MYLK: variants seen among roughly 807,000 people sequenced by gnomAD.
MYLK encodes myosin light chain kinase.
In MYLK, 106 loss-of-function variants were observed where a neutral mutation model predicts 203.4. That is an observed-to-expected ratio of 0.52 (90% CI 0.45 to 0.61). The LOEUF (loss-of-function observed/expected upper bound fraction) is 0.61. Ranked by LOEUF, MYLK falls within the 20% of genes least tolerant of loss-of-function variation. The probability of loss-of-function intolerance (pLI) is 0.00; values close to 1 mark genes in which losing one functional copy is unlikely to be tolerated. For synonymous variants in MYLK, 867 were observed against 959.5 expected (o/e 0.90, Z 1.78); for missense variants, 2,072 against 2,442.3 (o/e 0.85, Z 3.20).
intron 19 of MYLK, among the ~76,000 whole-genome samples, chr3:123,686,623 C>T (rs1176835363): frequency 1.3e-5 from 2 of 152,172 alleles, no homozygotes; most frequent in African/African-American, 4.8e-5. Flanking sequence ...CGCTTTCTGG[C>T]TCTGCTGCTT....
At chr3:123,767,963 C>A (rs2063759679) in intron 4 of MYLK, among the ~76,000 whole-genome samples, 1 of 152,198 alleles carries the variant, frequency 6.6e-6, no homozygotes, top group Non-Finnish European at 1.5e-5. Flanking sequence ...GGAGCCTGGA[C>A]TCCTACCATC....
At chr3:123,876,147 C>A (rs1186834092) in intron 2 of MYLK, among the ~76,000 whole-genome samples, 1 of 151,158 alleles carries the variant, frequency 6.6e-6, no homozygotes, top group African/African-American at 2.4e-5. Context: ...ATGTAAAAAA[C>A]CAAAATAAAA....
At chr3:123,834,441 G>A (rs1290015150) in intron 2 of MYLK, among the ~76,000 whole-genome samples, 2 of 152,022 alleles carry the variant, frequency 1.3e-5, no homozygotes, top group African/African-American at 2.4e-5. Flanking sequence ...GCAAAGGTCT[G>A]GACAGGTAAT....
intron 20 of MYLK, 169 bp downstream of exon 20, chr3:123,682,055 C>T (rs2060283917): frequency 1.5e-6 from 1 of 684,462 alleles, no homozygotes; most frequent in South Asian, 1.5e-5. Context: ...GCCACTGGCT[C>T]TGTTATTGGG....
At chr3:123,860,904 G>C (rs2031834651) in intron 2 of MYLK, among the ~76,000 whole-genome samples, 1 of 152,158 alleles carries the variant, frequency 6.6e-6, no homozygotes. Context: ...GCTGAGGAGG[G>C]AGGATCACGA....
At chr3:123,844,640 T>C (rs1021836927) in intron 2 of MYLK, among the ~76,000 whole-genome samples, 1 of 152,076 alleles carries the variant, frequency 6.6e-6, no homozygotes, top group African/African-American at 2.4e-5. Flanking sequence ...GGGGCAGGCA[T>C]ACATTCTACA....
chr3:123,688,873 C>T (rs751810649), intron 19 of MYLK, among the ~76,000 whole-genome samples: 1 of 152,198 alleles, frequency 6.6e-6, no homozygotes, highest in Admixed American at 6.5e-5. Context: ...TTCTCTCCCC[C>T]ATTACCCTGC....
chr3:123,696,806 TAC>T (rs2060948590), intron 18 of MYLK, among the ~76,000 whole-genome samples: 1 of 152,238 alleles, frequency 6.6e-6, no homozygotes, highest in Admixed American at 6.5e-5. Flanking sequence ...GAGCTTCATG[TAC>T]AGTGTTCTTC....
intron 23 of MYLK, 59 bp from the exon 24 acceptor site, chr3:123,657,487 T>G: frequency 6.4e-7 from 1 of 1,570,176 alleles, no homozygotes; most frequent in South Asian, 1.1e-5. Flanking sequence ...CAAAGGAAGT[T>G]TTTGAATTAC....
chr3:123,742,604 T>C (rs1477093499), intron 5 of MYLK, among the ~76,000 whole-genome samples: 1 of 152,176 alleles, frequency 6.6e-6, no homozygotes. Context: ...ACACGCTCCA[T>C]ACAACAGCAT....
intron 3 of MYLK, among the ~76,000 whole-genome samples, chr3:123,820,664 CTCCTTCCTTCCT>C (rs1338808453): frequency 2.8e-5 from 2 of 72,318 alleles, no homozygotes; most frequent in Admixed American, 1.7e-4. Flanking sequence ...CCTTCCTTCC[CTCCTTCCTTCCT>C]TCCTTCCTTC....
rs559218039 is a variant in MYLK, at chr3:123,652,579, T to C, written c.4289-3385A>G. 4.6e-5 allele frequency among the ~76,000 whole-genome samples: 7 copies of C among 152,310 alleles called. No homozygotes were observed. The South Asian group carries it at 1.5e-3, about 32-fold the overall frequency. ...ACGGCCTCTGAGGCCAGGGCGTAGC[T>C]GCAGCCTGGGATGGGAGCGGTACAG... is the stretch of plus-strand genomic sequence containing the variant. On this transcript the variant is annotated intron_variant, in intron 24 of 33. Coordinates refer to ENST00000360304, the MANE Select transcript of MYLK (RefSeq NM_053025.4).
intron 2 of MYLK, among the ~76,000 whole-genome samples, chr3:123,845,127 C>G (rs1288622722): frequency 6.6e-6 from 1 of 152,298 alleles, no homozygotes; most frequent in East Asian, 1.9e-4. Flanking sequence ...CTTCTGGGTT[C>G]TAGTCCTTTT....
At chr3:123,661,954 C>T (rs547028862) in intron 23 of MYLK, among the ~76,000 whole-genome samples, 1 of 152,296 alleles carries the variant, frequency 6.6e-6, no homozygotes, top group South Asian at 2.1e-4. Flanking sequence ...CATTTGTCTT[C>T]CCAGCTCTGT....
intron 20 of MYLK, among the ~76,000 whole-genome samples, chr3:123,674,329 TC>T (rs2060008371): frequency 6.6e-6 from 1 of 152,084 alleles, no homozygotes; most frequent in African/African-American, 2.4e-5. Flanking sequence ...AGGCTTCTGG[TC>T]CCCTGTCCCC....
At chr3:123,684,001 G>A (rs955632276) in intron 19 of MYLK, among the ~76,000 whole-genome samples, 1 of 152,206 alleles carries the variant, frequency 6.6e-6, no homozygotes, top group Non-Finnish European at 1.5e-5. Context: ...GAGGCTGCCT[G>A]TAACCCAGCA....
chr3:123,827,429 G>A (rs2148607659), intron 3 of MYLK, among the ~76,000 whole-genome samples: 2 of 151,772 alleles, frequency 1.3e-5, no homozygotes, highest in South Asian at 4.2e-4. Context: ...TTACATATAA[G>A]GGAATCTCTA....
chr3:123,781,999 A>C (rs982916120), intron 4 of MYLK, among the ~76,000 whole-genome samples: 28 of 152,342 alleles, frequency 1.8e-4, no homozygotes, highest in African/African-American at 6.0e-4. Context: ...TGTGTTTTAT[A>C]AAAACTAGGC....
intron 23 of MYLK, among the ~76,000 whole-genome samples, chr3:123,658,595 C>T (rs1659382631): frequency 6.6e-6 from 1 of 152,130 alleles, no homozygotes; most frequent in African/African-American, 2.4e-5. Context: ...CTATGTCAAC[C>T]CCAGCAAATT....
Sources: gnomAD v4.1 joint callset for allele counts (sites outside exome capture counted in the v4.1 genomes callset) on GRCh38, gnomAD v4.1.1 for gene constraint, MANE v1.5 for transcripts, NCBI Gene and HGNC (gene_info 2026-07-23, HGNC 2026-07-21) for gene names.